Variants in SETD2 observed in about 807,000 individuals in gnomAD.
The protein encoded by SETD2 is histone-lysine N-methyltransferase SETD2.
Under a neutral mutation model 242.1 loss-of-function variants are expected in SETD2, and 31 were observed. The ratio of observed to expected loss-of-function variants is 0.13; its 90% CI spans 0.10 to 0.17. The LOEUF (loss-of-function observed/expected upper bound fraction) is 0.17, where lower values mean the gene tolerates loss of function less well. Among genes scored for constraint, SETD2 ranks in the 10% least tolerant of loss-of-function variants. SETD2 has a pLI of 1.00. For synonymous variants in SETD2, 1,006 were observed against 1,066.5 expected (o/e 0.94, Z 1.11); for missense variants, 2,481 against 3,046.3 (o/e 0.81, Z 4.37).
chr3:47,021,487 G>C (rs989041546), intron 18 of SETD2, among the ~76,000 whole-genome samples: 2 of 152,102 alleles, frequency 1.3e-5, no homozygotes, highest in African/African-American at 4.8e-5. Context: ...GGGGATTGGT[G>C]GGGGGTGGCC....
chr3:47,097,142 C>T lies in SETD2; in HGVS notation c.5142+813G>A, dbSNP rs115437904. 4.1e-3 allele frequency among the ~76,000 whole-genome samples: 626 copies of T among 152,248 alleles called. 2 individuals are homozygous for T. Among genetic ancestry groups the T allele is most frequent in the Middle Eastern group, 0.014 (4 of 294 alleles). On this transcript the variant is annotated intron_variant, in intron 9 of 20. Coordinates refer to ENST00000409792, the MANE Select transcript of SETD2 (RefSeq NM_014159.7). ...AGTTCCTGAAAAGTCCAGGAATGAG[C>T]TAACTGCAAAAGAATCACAGGGGAA...
At chr3:47,051,629 A>G (rs2039848631) in intron 15 of SETD2, among the ~76,000 whole-genome samples, 1 of 152,228 alleles carries the variant, frequency 6.6e-6, no homozygotes, top group South Asian at 2.1e-4. Context: ...TTTGGAATAG[A>G]ATGGGTTTCA....
intron 1 of SETD2, chr3:47,157,671 C>G (rs2044157129): frequency 3.4e-5 from 13 of 387,482 alleles, no homozygotes; most frequent in South Asian, 2.4e-4. Flanking sequence ...GTCAGGAGTT[C>G]GAGACCAGCC....
chr3:47,026,704 G>A (rs2038494875), intron 18 of SETD2, among the ~76,000 whole-genome samples: 1 of 103,072 alleles, frequency 9.7e-6, no homozygotes, highest in Admixed American at 9.3e-5. Context: ...TAACACAAGA[G>A]AACACAAAAC....
intron 4 of SETD2, among the ~76,000 whole-genome samples, chr3:47,115,266 A>G (rs1175912565): frequency 6.6e-6 from 1 of 152,164 alleles, no homozygotes; most frequent in African/African-American, 2.4e-5. Flanking sequence ...GTTTGAACCT[A>G]ATCATGAGAA....
intron 6 of SETD2, chr3:47,105,582 A>C: frequency 3.2e-6 from 1 of 317,134 alleles, no homozygotes; most frequent in Non-Finnish European, 6.3e-6. Context: ...GAAAACAAAT[A>C]GACGCTATTT....
chr3:47,111,858 T>G (rs1394085440), intron 5 of SETD2, among the ~76,000 whole-genome samples: 1 of 152,142 alleles, frequency 6.6e-6, no homozygotes, highest in Non-Finnish European at 1.5e-5. Context: ...TTATTGTCTT[T>G]ATTACCTGTG....
chr3:47,120,059 A>T, intron 3 of SETD2, 123 bp downstream of exon 3: 1 of 853,560 alleles, frequency 1.2e-6, no homozygotes, highest in Non-Finnish European at 1.7e-6. Flanking sequence ...TTAGACTTTT[A>T]AATTTACTTT....
At chr3:47,104,007 T>A (rs2042316541) in intron 6 of SETD2, among the ~76,000 whole-genome samples, 1 of 152,168 alleles carries the variant, frequency 6.6e-6, no homozygotes, top group Non-Finnish European at 1.5e-5. Flanking sequence ...ATGCCATAGG[T>A]CTCAACCTTG....
chr3:47,119,727 G>C (rs1252928687), intron 3 of SETD2: 3 of 442,252 alleles, frequency 6.8e-6, no homozygotes, highest in Middle Eastern at 3.4e-4. Flanking sequence ...TCTCGGGTAT[G>C]TCTTTATCAG....
chr3:47,046,455 C>T (rs2107548760), intron 16 of SETD2, 32 bp downstream of exon 16: 1 of 1,544,948 alleles, frequency 6.5e-7, no homozygotes, highest in Non-Finnish European at 8.8e-7. Context: ...AGTAGACAGC[C>T]AATGAGTTTT....
intron 19 of SETD2, among the ~76,000 whole-genome samples, chr3:47,019,250 T>C (rs2038113918): frequency 6.6e-6 from 1 of 152,222 alleles, no homozygotes; most frequent in South Asian, 2.1e-4. Context: ...TGAGTTCAAA[T>C]CTTTTGTCTA....
chr3:47,075,564 CAAAAAAAAAAA>C (rs55635941), intron 12 of SETD2, among the ~76,000 whole-genome samples: 1 of 76,456 alleles, frequency 1.3e-5, no homozygotes, highest in Non-Finnish European at 2.5e-5. Context: ...AACTCCGTCT[CAAAAAAAAAAA>C]AAAAAAAAAA....
At position 47,085,858 on chromosome 3, in the gene SETD2, TTA is replaced by T. The variant is rs140225710; in HGVS notation, c.5397+335_5397+336del. Reference sequence around the variant, plus strand: ...TTCTTTAGACCCCACAGTTCAAATTTTATATGACTTCCCATCTTTTTAAAACT... The same window carrying T: ...TTCTTTAGACCCCACAGTTCAAATTTTATGACTTCCCATCTTTTTAAAACT... On this transcript the variant is annotated intron_variant, in intron 11 of 20. Transcript: ENST00000409792. Among the ~76,000 whole-genome samples, 2,511 of 152,260 alleles carry T rather than the reference TTA, an allele frequency of 0.016. 63 individuals carry two copies. The highest frequency in any genetic ancestry group is 0.044 in the Admixed American group (678 of 15,292).
At chr3:47,086,119 G>C in intron 11 of SETD2, 76 bp downstream of exon 11, 1 of 1,503,778 alleles carries the variant, frequency 6.6e-7, no homozygotes, top group South Asian at 1.1e-5. Flanking sequence ...CATAATTACT[G>C]ATATTATCAC....
intron 5 of SETD2, among the ~76,000 whole-genome samples, chr3:47,109,444 G>A (rs1030625122): frequency 1.3e-5 from 2 of 152,062 alleles, no homozygotes; most frequent in African/African-American, 4.8e-5. Flanking sequence ...TTAGGAGTTC[G>A]AGACCAACCT....
In SETD2 at chr3:47,163,996, A is replaced by T; in HGVS notation, c.-72T>A. The T allele has an allele frequency of 8.1e-7, 1 of 1,236,214 alleles. No homozygotes were observed. Among genetic ancestry groups the T allele is most frequent in the Non-Finnish European group, 1.0e-6 (1 of 984,920 alleles). 76.6% of individuals were successfully genotyped at this position (1,236,214 alleles called of 1,614,324 possible). A position where few individuals can be genotyped will look rare whatever the true frequency, so the allele number is the denominator to read the frequency against. On this transcript the variant is annotated 5_prime_UTR_variant, in exon 1 of 21. Coordinates refer to ENST00000409792, the MANE Select transcript of SETD2 (RefSeq NM_014159.7). ...GCGACGCGGGGGAGGGGAGGGGAGG[A>T]GGCCGCAGGTCCGACCGCGGCGGCG...
At chr3:47,133,012 T>C (rs2043513274) in intron 1 of SETD2, among the ~76,000 whole-genome samples, 1 of 152,212 alleles carries the variant, frequency 6.6e-6, no homozygotes, top group African/African-American at 2.4e-5. Flanking sequence ...TTGATCATTG[T>C]AATGTTGTTT....
In SETD2 at chr3:47,057,099, C is replaced by T. The variant is rs1171530720; in HGVS notation, c.6685G>A (p.Val2229Met). 1 of 1,614,254 alleles carries T rather than the reference C, an allele frequency of 6.2e-7. No homozygotes were observed. Among genetic ancestry groups the T allele is most frequent in the Non-Finnish European group, 8.5e-7 (1 of 1,180,046 alleles). ...APPPVPVVPH[V>M]AAPVEVSSSQ... is the part of the protein sequence containing the mutation. ...CTGGAAACTTCCACAGGAGCTGCCACATGTGGCACCACTGGTACTGGTGGA... is the reference window on the plus strand; with the variant it reads ...CTGGAAACTTCCACAGGAGCTGCCATATGTGGCACCACTGGTACTGGTGGA... Residue 2229 changes from valine (V) to methionine (M), a missense_variant, in exon 15 of 21, where the codon GTG (valine) becomes ATG (methionine). Around this residue, in one of 17 missense-constraint regions of SETD2, gnomAD observed 235 missense variants for 293.9 expected, o/e 0.80. Transcript: ENST00000409792.
Sources: gnomAD v4.1 joint callset for allele counts (sites outside exome capture counted in the v4.1 genomes callset) on GRCh38, gnomAD v4.1.1 for gene constraint, gnomAD v4.1.1 regional missense constraint, MANE v1.5 for transcripts, NCBI Gene and HGNC (gene_info 2026-07-23, HGNC 2026-07-21) for gene names.